Variants in PCDH15 observed in about 807,000 individuals in gnomAD.
PCDH15 encodes the protein protocadherin-15.
PCDH15 carries 129 observed loss-of-function variants against 178.5 expected under a neutral mutation model. The observed-to-expected ratio is 0.72, with a 90% CI of 0.63 to 0.84. The LOEUF (loss-of-function observed/expected upper bound fraction) is 0.84. PCDH15 is among the 40% of genes least tolerant of loss of function. PCDH15 has a pLI of 0.00. For missense variants in PCDH15, 2,230 were observed against 2,099.9 expected, an observed-to-expected ratio of 1.06 and a Z score of -1.21; for synonymous variants, 800 against 732.0, an observed-to-expected ratio of 1.09 and a Z score of -1.50.
chr10:55,339,365 G>A lies in PCDH15; in HGVS notation c.-155-172714C>T, dbSNP rs1844488217. Among the ~76,000 whole-genome samples the A allele has an allele frequency of 6.6e-5, 10 of 152,052 alleles. No homozygotes were observed. In the South Asian group the frequency reaches 2.1e-3, roughly 32 times the overall value. ...TTGGAGTAACCTGCTGTCGGACCAA[G>A]GATCTAGTAATGAGGATATAGGATA... On this transcript the variant is annotated intron_variant, in intron 2 of 5. Coordinates refer to the PCDH15 transcript ENST00000613346.
intron 15 of PCDH15, among the ~76,000 whole-genome samples, chr10:54,128,564 C>T (rs1460918418): frequency 6.6e-6 from 1 of 152,096 alleles, no homozygotes; most frequent in East Asian, 1.9e-4. Flanking sequence ...TCTCTCAATC[C>T]TTGCCAGACT....
intron 8 of PCDH15, among the ~76,000 whole-genome samples, chr10:54,282,975 A>G (rs186177703): frequency 3.4e-4 from 52 of 152,242 alleles, no homozygotes; most frequent in Admixed American, 2.2e-3. Context: ...TGAAAAGAAG[A>G]ATTCAGTAGG....
At chr10:53,959,215 T>C in intron 23 of PCDH15, among the ~76,000 whole-genome samples, 1 of 148,686 alleles carries the variant, frequency 6.7e-6, no homozygotes, top group East Asian at 1.9e-4. Context: ...TATAAATTTA[T>C]GTATACACAC....
At chr10:55,548,561 G>T (rs1841939964) in intron 2 of PCDH15, among the ~76,000 whole-genome samples, 1 of 152,136 alleles carries the variant, frequency 6.6e-6, no homozygotes, top group Admixed American at 6.6e-5. Flanking sequence ...GATTACTCAG[G>T]AGGCAGTTCT....
At chr10:55,023,574 G>A (rs117178061) in intron 2 of PCDH15, among the ~76,000 whole-genome samples, 2 of 151,694 alleles carry the variant, frequency 1.3e-5, no homozygotes, top group African/African-American at 2.4e-5. Context: ...CACACACACA[G>A]ACACACACAC....
At chr10:53,988,921 C>A (rs1393730670) in intron 21 of PCDH15, among the ~76,000 whole-genome samples, 2 of 152,120 alleles carry the variant, frequency 1.3e-5, no homozygotes, top group Admixed American at 1.3e-4. Context: ...AACATGATTT[C>A]CAAATCAGCC....
intron 2 of PCDH15, among the ~76,000 whole-genome samples, chr10:54,933,276 G>A (rs1837827329): frequency 6.6e-6 from 1 of 152,126 alleles, no homozygotes; most frequent in African/African-American, 2.4e-5. Context: ...TCAATAAGCT[G>A]AGTAATTTCA....
intron 2 of PCDH15, among the ~76,000 whole-genome samples, chr10:54,561,737 A>G (rs1230684429): frequency 1.3e-5 from 2 of 152,120 alleles, no homozygotes; most frequent in Non-Finnish European, 2.9e-5. Flanking sequence ...AACTGGTTTG[A>G]TATTTGTTTC....
At chr10:55,379,329 T>G (rs56317956) in intron 2 of PCDH15, among the ~76,000 whole-genome samples, 1 of 151,830 alleles carries the variant, frequency 6.6e-6, no homozygotes, top group African/African-American at 2.4e-5. Context: ...AGTCCAGGAG[T>G]GTAGAACTAT....
At chr10:55,406,548 T>C (rs1365962235) in intron 2 of PCDH15, among the ~76,000 whole-genome samples, 2 of 152,124 alleles carry the variant, frequency 1.3e-5, no homozygotes, top group African/African-American at 4.8e-5. Context: ...CATGAAGTAG[T>C]CATCAGATGA....
intron 13 of PCDH15, among the ~76,000 whole-genome samples, chr10:54,165,735 A>G (rs991664755): frequency 6.6e-6 from 1 of 152,222 alleles, no homozygotes; most frequent in Non-Finnish European, 1.5e-5. Context: ...CTCACGTTGT[A>G]TACAATGCCA....
Position 53,938,938 on chromosome 10 carries a change from T to C in PCDH15, c.3250A>G (p.Asn1084Asp). The part of the protein sequence containing the change: ...GNEEDTFGIN[N>D]ITGVIYVNGP... ...TTCACATAGATAACACCTGTGATGT[T>C]ATTAATTCCAAATGTATCTAGAAAT... is the stretch of plus-strand genomic sequence containing the variant. The change falls in exon 25 of 38, where the codon AAC becomes GAC. Residue 1084 changes from asparagine (N) to aspartate (D), a missense_variant. Asn to Asp is a conservative substitution (Grantham distance 23). Coordinates refer to ENST00000644397, the MANE Select transcript of PCDH15 (RefSeq NM_001384140.1). The C allele has an allele frequency of 6.2e-7, 1 of 1,612,826 alleles. No homozygotes were observed.
chr10:55,191,810 T>C (rs1257457096), intron 1 of PCDH15, among the ~76,000 whole-genome samples: 4 of 151,904 alleles, frequency 2.6e-5, no homozygotes, highest in African/African-American at 7.3e-5. Flanking sequence ...ATTTTCACCT[T>C]TCACTGTAAC....
chr10:54,435,242 A>G (rs1179676271), intron 3 of PCDH15, among the ~76,000 whole-genome samples: 4 of 152,164 alleles, frequency 2.6e-5, no homozygotes, highest in Non-Finnish European at 5.9e-5. Context: ...AGGACTCTTT[A>G]TTAATCACAA....
intron 2 of PCDH15, among the ~76,000 whole-genome samples, chr10:54,999,494 T>A (rs1423303610): frequency 6.6e-6 from 1 of 152,238 alleles, no homozygotes; most frequent in Non-Finnish European, 1.5e-5. Flanking sequence ...AAAGTTTTAA[T>A]GTTCAGGAAA....
At chr10:54,603,817 C>G in intron 2 of PCDH15, among the ~76,000 whole-genome samples, 1 of 152,060 alleles carries the variant, frequency 6.6e-6, no homozygotes, top group Admixed American at 6.6e-5. Context: ...TTCACATTCT[C>G]TCTTCTTCCA....
At chr10:54,429,330 C>A (rs528257320) in intron 3 of PCDH15, among the ~76,000 whole-genome samples, 1 of 151,872 alleles carries the variant, frequency 6.6e-6, no homozygotes, top group Non-Finnish European at 1.5e-5. Flanking sequence ...GAAAAAATTA[C>A]AGCAGATACA....
At chr10:54,534,549 T>C (rs951540402) in intron 2 of PCDH15, among the ~76,000 whole-genome samples, 1 of 152,206 alleles carries the variant, frequency 6.6e-6, no homozygotes, top group Admixed American at 6.5e-5. Context: ...GCAGATTTTG[T>C]GAAACCTCTA....
At chr10:55,185,417 G>A (rs1454766594) in intron 1 of PCDH15, among the ~76,000 whole-genome samples, 1 of 151,606 alleles carries the variant, frequency 6.6e-6, no homozygotes, top group East Asian at 1.9e-4. Flanking sequence ...TTAAAAATCA[G>A]CTCAGAATCT....
Sources: allele counts gnomAD v4.1 joint callset (sites outside exome capture counted in the v4.1 genomes callset), GRCh38; gene constraint gnomAD v4.1.1; transcripts MANE v1.5; gene names NCBI Gene and HGNC (gene_info 2026-07-23, HGNC 2026-07-21).